MBD5: variants seen among roughly 807,000 people sequenced by gnomAD.
The protein encoded by MBD5 is methyl-CpG binding domain protein 5, also known as methyl-CpG-binding domain protein 5.
Under a neutral mutation model 117.3 loss-of-function variants are expected in MBD5, and 13 were observed. The ratio of observed to expected loss-of-function variants is 0.11; its 90% CI spans 0.07 to 0.18. MBD5 has a LOEUF of 0.18. Ranked by LOEUF, MBD5 falls within the 10% of genes least tolerant of loss-of-function variation. MBD5 has a pLI of 1.00. For missense variants in MBD5, 1,879 were observed against 2,093.8 expected (o/e 0.90, Z 2.00); for synonymous variants, 727 against 766.4 (o/e 0.95, Z 0.85).
intron 1 of MBD5, among the ~76,000 whole-genome samples, chr2:148,079,678 G>A (rs1363242337): frequency 6.6e-6 from 1 of 151,900 alleles, no homozygotes; most frequent in African/African-American, 2.4e-5. Flanking sequence ...CCAACATGGT[G>A]AAACCCCGTC....
At chr2:148,213,837 GT>G (rs11328053) in intron 2 of MBD5, among the ~76,000 whole-genome samples, 94,109 of 150,788 alleles carry the variant, frequency 0.62, 31,056 homozygotes, top group East Asian at 0.8. Flanking sequence ...GTCACCAACT[GT>G]TTTTTTTTTA....
At chr2:148,337,650 AAAATTC>A (rs1702832401) in intron 3 of MBD5, among the ~76,000 whole-genome samples, 1 of 150,996 alleles carries the variant, frequency 6.6e-6, no homozygotes, top group Non-Finnish European at 1.5e-5. Context: ...TTATATCTTT[AAAATTC>A]TATGTCATGT....
intron 11 of MBD5, among the ~76,000 whole-genome samples, chr2:148,499,569 T>C (rs990484252): frequency 8.5e-5 from 13 of 152,332 alleles, no homozygotes; most frequent in African/African-American, 2.9e-4. Flanking sequence ...CGTACAAGAA[T>C]ACAAGATTAT....
intron 1 of MBD5, among the ~76,000 whole-genome samples, chr2:148,064,441 A>G (rs576973982): frequency 6.6e-6 from 1 of 152,218 alleles, no homozygotes; most frequent in East Asian, 1.9e-4. Context: ...AAGTACCGCC[A>G]CTACACAAAG....
In MBD5 at chr2:148,345,318, T is replaced by C. The variant is rs187180760; in HGVS notation, c.-557+2982T>C. Among the ~76,000 whole-genome samples the C allele has an allele frequency of 4.8e-3, 661 of 138,898 alleles. 2 individuals are homozygous for C. Among genetic ancestry groups the C allele is most frequent in the Middle Eastern group, 0.029 (8 of 276 alleles). The allele number at this position is 138,898 out of a possible 152,430, so 91.1% of individuals were successfully genotyped here. On this transcript the variant is annotated intron_variant, in intron 4 of 13. Coordinates refer to ENST00000642680, the MANE Select transcript of MBD5 (RefSeq NM_001378120.1). ...TGTTTTGGGTATATATACACACACA[T>C]ATATATATATATGTATATACACATA...
At chr2:148,062,873 C>T (rs1460637463) in intron 1 of MBD5, among the ~76,000 whole-genome samples, 1 of 151,828 alleles carries the variant, frequency 6.6e-6, no homozygotes, top group African/African-American at 2.4e-5. Context: ...AATATAAATG[C>T]AGTCACTTAT....
intron 3 of MBD5, among the ~76,000 whole-genome samples, chr2:148,294,881 C>T (rs1701612288): frequency 6.6e-6 from 1 of 152,132 alleles, no homozygotes; most frequent in Non-Finnish European, 1.5e-5. Context: ...CATCCCTCTG[C>T]CTTCTGGTCT....
chr2:148,434,059 A>G (rs139193392), intron 4 of MBD5, among the ~76,000 whole-genome samples: 1 of 151,508 alleles, frequency 6.6e-6, no homozygotes, highest in Non-Finnish European at 1.5e-5. Flanking sequence ...TACTGATTCA[A>G]TTTCAGAACT....
intron 1 of MBD5, among the ~76,000 whole-genome samples, chr2:148,022,484 T>C (rs1190418501): frequency 6.6e-6 from 1 of 152,226 alleles, no homozygotes; most frequent in African/African-American, 2.4e-5. Flanking sequence ...ATATTAGCTA[T>C]TTTATAATTA....
chr2:148,068,506 G>A (rs1349399741), intron 1 of MBD5: 4 of 152,210 alleles, frequency 2.6e-5, no homozygotes, highest in Non-Finnish European at 5.9e-5. Context: ...TTATTTCACA[G>A]TGATGCTGTC....
At chr2:148,145,573 T>C (rs1380292434) in intron 1 of MBD5, among the ~76,000 whole-genome samples, 1 of 152,230 alleles carries the variant, frequency 6.6e-6, no homozygotes, top group African/African-American at 2.4e-5. Context: ...CAGTACGATA[T>C]TGGCTGTGGG....
At chr2:148,037,150 A>G (rs1694218396) in intron 1 of MBD5, among the ~76,000 whole-genome samples, 1 of 152,012 alleles carries the variant, frequency 6.6e-6, no homozygotes. Context: ...AATTGCAAAC[A>G]CTTAATGGAG....
intron 3 of MBD5, among the ~76,000 whole-genome samples, chr2:148,323,156 C>T (rs1340469246): frequency 6.6e-6 from 1 of 151,916 alleles, no homozygotes; most frequent in Non-Finnish European, 1.5e-5. Flanking sequence ...TCATCCATGT[C>T]CCTACAAAGG....
intron 3 of MBD5, among the ~76,000 whole-genome samples, chr2:148,301,146 A>G (rs1036202677): frequency 6.6e-6 from 1 of 152,252 alleles, no homozygotes; most frequent in Non-Finnish European, 1.5e-5. Flanking sequence ...AAACCAAACT[A>G]TCTTATAGTT....
chr2:148,109,042 C>G (rs1274909440), intron 1 of MBD5, among the ~76,000 whole-genome samples: 1 of 152,130 alleles, frequency 6.6e-6, no homozygotes, highest in African/African-American at 2.4e-5. Context: ...AATTCAAATG[C>G]CTTCGTATCT....
At chr2:148,167,959 T>C (rs1273362004) in intron 1 of MBD5, among the ~76,000 whole-genome samples, 1 of 152,234 alleles carries the variant, frequency 6.6e-6, no homozygotes, top group Non-Finnish European at 1.5e-5. Flanking sequence ...GTAAAACTAA[T>C]GCCTATATTT....
intron 1 of MBD5, among the ~76,000 whole-genome samples, chr2:148,111,631 A>G (rs1696505388): frequency 6.6e-6 from 1 of 152,194 alleles, no homozygotes; most frequent in Admixed American, 6.5e-5. Flanking sequence ...TATTATCACT[A>G]TTATATGTGA....
At chr2:148,092,350 G>C (rs1331045071) in intron 1 of MBD5, among the ~76,000 whole-genome samples, 2 of 152,138 alleles carry the variant, frequency 1.3e-5, no homozygotes, top group African/African-American at 4.8e-5. Context: ...ATACGAAAAA[G>C]ACACTTGCAC....
intron 3 of MBD5, among the ~76,000 whole-genome samples, chr2:148,248,180 C>T (rs776700374): frequency 1.2e-4 from 18 of 152,222 alleles, no homozygotes; most frequent in African/African-American, 2.6e-4. Context: ...TCAGTACGGA[C>T]GTCCAAATAT....
Sources: allele counts gnomAD v4.1 joint callset (sites outside exome capture counted in the v4.1 genomes callset), GRCh38; gene constraint gnomAD v4.1.1; transcripts MANE v1.5; gene names NCBI Gene and HGNC (gene_info 2026-07-23, HGNC 2026-07-21).